Variants in TSHZ3 observed in about 807,000 individuals in gnomAD.
The protein encoded by TSHZ3 is teashirt homolog 3.
In TSHZ3, 10 loss-of-function variants were observed where a neutral mutation model predicts 64.5. That is an observed-to-expected ratio of 0.16 (90% CI 0.10 to 0.26). The LOEUF is 0.26. Among genes scored for constraint, TSHZ3 ranks in the 10% least tolerant of loss-of-function variants. The pLI is 1.00. For missense variants in TSHZ3, 1,242 were observed against 1,421.7 expected, an observed-to-expected ratio of 0.87 and a Z score of 2.03; for synonymous variants, 608 against 593.1, an observed-to-expected ratio of 1.03 and a Z score of -0.36.
intron 1 of TSHZ3, among the ~76,000 whole-genome samples, chr19:31,293,062 T>TCC (rs1976601347): frequency 1.5e-5 from 2 of 130,972 alleles, no homozygotes; most frequent in Non-Finnish European, 3.6e-5. Context: ...TCCAAAAATG[T>TCC]ATCCATCCAT....
At chr19:31,181,546 C>G (rs928220099) in intron 5 of TSHZ3, among the ~76,000 whole-genome samples, 1 of 152,064 alleles carries the variant, frequency 6.6e-6, no homozygotes, top group Non-Finnish European at 1.5e-5. Context: ...AGAACGGAGA[C>G]AGTGGGGCAT....
At chr19:31,292,617 A>G (rs553389531) in intron 1 of TSHZ3, among the ~76,000 whole-genome samples, 8 of 152,254 alleles carry the variant, frequency 5.3e-5, no homozygotes, top group African/African-American at 1.7e-4. Context: ...CACTCAACAC[A>G]TCTACCCATC....
chr19:31,233,355 G>A lies in TSHZ3; in HGVS notation n.551-5215C>T, dbSNP rs184758670. Among the ~76,000 whole-genome samples the A allele has an allele frequency of 2.0e-3, 301 of 152,246 alleles. 1 individual carries two copies. Among genetic ancestry groups the A allele is most frequent in the Non-Finnish European group, 3.3e-3 (225 of 68,006 alleles). On this transcript the variant is annotated intron_variant and non_coding_transcript_variant, in intron 3 of 6. Coordinates refer to the TSHZ3 transcript ENST00000651361. ...TTTTCCCAATAACTAATGGCACTGA[G>A]CATCATTTCATTCACTCATTGGCCA...
chr19:31,303,573 A>T (rs1568374992), intron 1 of TSHZ3, among the ~76,000 whole-genome samples: 1 of 152,074 alleles, frequency 6.6e-6, no homozygotes, highest in African/African-American at 2.4e-5. Context: ...TGAGGCACAG[A>T]ATCACTCAGG....
At chr19:31,202,743 G>T (rs932992757) in intron 5 of TSHZ3, among the ~76,000 whole-genome samples, 4 of 152,196 alleles carry the variant, frequency 2.6e-5, no homozygotes, top group Admixed American at 2.6e-4. Context: ...CTCACCTGAA[G>T]TGGGAGGGAT....
intron 3 of TSHZ3, among the ~76,000 whole-genome samples, chr19:31,236,323 C>T (rs1451840198): frequency 6.6e-6 from 1 of 152,166 alleles, no homozygotes; most frequent in East Asian, 1.9e-4. Flanking sequence ...TTTTTGACAA[C>T]AGCCATTGTA....
intron 1 of TSHZ3, among the ~76,000 whole-genome samples, chr19:31,337,065 A>AT (rs1156633481): frequency 7.4e-6 from 1 of 135,636 alleles, no homozygotes; most frequent in East Asian, 2.1e-4. Context: ...TGCAAGGGTC[A>AT]TATCTTTTTA....
In TSHZ3 at chr19:31,302,770, C is replaced by T. The variant is rs1212686856; in HGVS notation, c.41-23018G>A. Among the ~76,000 whole-genome samples the T allele has an allele frequency of 2.0e-5, 3 of 152,094 alleles. No individual in the cohort carries two copies. The East Asian group carries it at 5.8e-4, about 29-fold the overall frequency. On this transcript the variant is annotated intron_variant, in intron 1 of 1. Coordinates refer to ENST00000240587, the MANE Select transcript of TSHZ3 (RefSeq NM_020856.4). ...CCACATTCATCCTCAAATTGCACTT[C>T]CATATGGGAAGTGAGATGTATACTG...
At chr19:31,217,018 C>G (rs781228257) in intron 4 of TSHZ3, among the ~76,000 whole-genome samples, 1 of 152,000 alleles carries the variant, frequency 6.6e-6, no homozygotes, top group East Asian at 1.9e-4. Flanking sequence ...AGGCTGGTCT[C>G]GAACTCCTGA....
intron 5 of TSHZ3, among the ~76,000 whole-genome samples, chr19:31,177,978 C>G (rs908238768): frequency 6.6e-6 from 1 of 152,150 alleles, no homozygotes; most frequent in Non-Finnish European, 1.5e-5. Flanking sequence ...TCAAACACCA[C>G]GGACTGGGCA....
chr19:31,255,817 C>A (rs2145194861), intron 1 of TSHZ3, among the ~76,000 whole-genome samples: 1 of 152,254 alleles, frequency 6.6e-6, no homozygotes, highest in Middle Eastern at 3.4e-3. Flanking sequence ...TCTAAAAGAA[C>A]CAGGTAAGCC....
At chr19:31,179,764 G>C (rs1220808841) in intron 5 of TSHZ3, among the ~76,000 whole-genome samples, 1 of 150,950 alleles carries the variant, frequency 6.6e-6, no homozygotes, top group African/African-American at 2.4e-5. Flanking sequence ...GGTGGTGATG[G>C]TGGGGGTGAT....
chr19:31,225,584 CAG>C (rs1414879762), intron 4 of TSHZ3, among the ~76,000 whole-genome samples: 1 of 152,196 alleles, frequency 6.6e-6, no homozygotes, highest in African/African-American at 2.4e-5. Flanking sequence ...TCTTGCATGA[CAG>C]AATCTATCGG....
intron 5 of TSHZ3, among the ~76,000 whole-genome samples, chr19:31,165,131 T>G (rs1974429410): frequency 6.6e-6 from 1 of 152,222 alleles, no homozygotes; most frequent in South Asian, 2.1e-4. Flanking sequence ...GCCTTTGCCC[T>G]GAGAACTGAA....
At chr19:31,307,582 G>A (rs1309438085) in intron 1 of TSHZ3, among the ~76,000 whole-genome samples, 1 of 152,162 alleles carries the variant, frequency 6.6e-6, no homozygotes, top group African/African-American at 2.4e-5. Flanking sequence ...CAAGCCTCTT[G>A]GGCTGGCTTT....
At chr19:31,349,964 C>T (rs2021661029), upstream of TSHZ3, among the ~76,000 whole-genome samples, 2 of 146,470 alleles carry the variant, frequency 1.4e-5, no homozygotes, top group Non-Finnish European at 3.1e-5. Flanking sequence ...AGGGGTGCCG[C>T]CCCTCCGCCT....
chr19:31,277,506 C>T lies in TSHZ3; in HGVS notation c.2287G>A (p.Val763Met), dbSNP rs1003778401. The T allele has an allele frequency of 3.7e-6, 6 of 1,607,030 alleles. No individual in the cohort carries two copies. The highest frequency in any genetic ancestry group is 5.1e-6 in the Non-Finnish European group (6 of 1,175,312). ...MSNSLAEKAAVATPPPLQSKK... is the reference protein window; with the variant it reads ...MSNSLAEKAAMATPPPLQSKK... ...GACTGCAGGGGCGGCGGGGTGGCCA[C>T]AGCAGCCTTCTCCGCCAGGCTGTTG... is the stretch of plus-strand genomic sequence containing the variant. Residue 763 changes from valine to methionine, a missense_variant, in exon 2 of 2, where the codon GTG becomes ATG. Coordinates refer to ENST00000240587, the MANE Select transcript of TSHZ3 (RefSeq NM_020856.4). The surrounding 1 kb of genome is among the most constrained non-coding windows in gnomAD (Gnocchi z 4.5).
chr19:31,307,008 TATTCCACCTC>T (rs1248474186), intron 1 of TSHZ3, among the ~76,000 whole-genome samples: 1 of 151,956 alleles, frequency 6.6e-6, no homozygotes, highest in Non-Finnish European at 1.5e-5. Flanking sequence ...TATTTCTTTG[TATTCCACCTC>T]ATTCCACCCC....
chr19:31,194,409 G>T (rs1408749125), intron 5 of TSHZ3, among the ~76,000 whole-genome samples: 6 of 152,148 alleles, frequency 3.9e-5, no homozygotes, highest in South Asian at 2.1e-4. Flanking sequence ...ACCTGCTAGG[G>T]TTTTATCAGA....
Sources: gnomAD v4.1 joint callset for allele counts (sites outside exome capture counted in the v4.1 genomes callset) on GRCh38, gnomAD v4.1.1 for gene constraint, Gnocchi (gnomAD v3.1) non-coding constraint, MANE v1.5 for transcripts, NCBI Gene and HGNC (gene_info 2026-07-23, HGNC 2026-07-21) for gene names.